L3MBTL3: variants seen among roughly 807,000 people sequenced by gnomAD.
The protein encoded by L3MBTL3 is lethal(3)malignant brain tumor-like protein 3.
A neutral mutation model predicts 102.3 loss-of-function variants in L3MBTL3; 27 were observed. The observed-to-expected ratio is 0.26, with a 90% CI of 0.19 to 0.36. The LOEUF (loss-of-function observed/expected upper bound fraction) is 0.36. Among genes scored for constraint, L3MBTL3 ranks in the 10% least tolerant of loss-of-function variants. The pLI, the probability that L3MBTL3 is intolerant of heterozygous loss-of-function variation, is 1.00. For synonymous variants in L3MBTL3, 340 were observed against 320.9 expected (o/e 1.06, Z -0.64); for missense variants, 798 against 955.3 (o/e 0.84, Z 2.17).
chr6:130,104,057 C>T (rs546926367), intron 18 of L3MBTL3, among the ~76,000 whole-genome samples: 2 of 152,240 alleles, frequency 1.3e-5, no homozygotes, highest in South Asian at 4.2e-4. Context: ...CAAATCTGCT[C>T]CATTAACCAA....
intron 18 of L3MBTL3, among the ~76,000 whole-genome samples, chr6:130,099,881 A>G (rs1784579297): frequency 1.3e-5 from 2 of 152,222 alleles, no homozygotes; most frequent in South Asian, 4.1e-4. Flanking sequence ...TAATTTTGGA[A>G]CAGTGCCTGA....
chr6:130,122,418 G>C (rs1193156200), intron 20 of L3MBTL3, among the ~76,000 whole-genome samples: 2 of 152,182 alleles, frequency 1.3e-5, no homozygotes, highest in Admixed American at 1.3e-4. Context: ...TCTCTGCTCT[G>C]CCACCTGCTG....
intron 3 of L3MBTL3, among the ~76,000 whole-genome samples, chr6:130,043,541 A>C (rs1488611526): frequency 6.6e-6 from 1 of 152,128 alleles, no homozygotes. Flanking sequence ...TTTTGCTCTG[A>C]TCCTATCTCT....
intron 10 of L3MBTL3, among the ~76,000 whole-genome samples, chr6:130,064,463 A>T (rs1050315281): frequency 3.9e-5 from 6 of 152,098 alleles, no homozygotes; most frequent in African/African-American, 1.4e-4. Flanking sequence ...TGAAGTAGAG[A>T]GGAAGGGAGT....
rs1458834889 is a variant in L3MBTL3, at chr6:130,067,701, C to G, written c.1001-629C>G. 2.0e-5 allele frequency among the ~76,000 whole-genome samples: 3 copies of G among 152,202 alleles called. No individual in the cohort carries two copies. The East Asian group carries it at 5.8e-4, about 29-fold the overall frequency. On this transcript the variant is annotated intron_variant, in intron 11 of 22. Transcript: ENST00000361794. ...ATTATTAGCTGGTTTTTTCATGCTG[C>G]TTTCTGGACTTTAATGAATGTAAAA... is the stretch of plus-strand genomic sequence containing the variant.
chr6:130,057,425 G>GAA lies in L3MBTL3; in HGVS notation c.689_690dup (p.Ala231LysfsTer39). ...TTTCAGGTTTGCCTCCTAAAGGAAAGAAAGCGTGGTGCTGGGCATCCTACC... is the reference window on the plus strand; with the variant it reads ...TTTCAGGTTTGCCTCCTAAAGGAAAGAAAAAGCGTGGTGCTGGGCATCCTACC... On this transcript the variant is annotated frameshift_variant, in exon 9 of 23. Transcript: ENST00000361794. LOFTEE classifies it high-confidence loss of function. The GAA allele has an allele frequency of 6.2e-7, 1 of 1,610,086 alleles. No individual in the cohort carries two copies. The highest frequency in any genetic ancestry group is 8.5e-7 in the Non-Finnish European group (1 of 1,178,758).
At chr6:130,131,819 G>A (rs1219406774) in intron 20 of L3MBTL3, among the ~76,000 whole-genome samples, 4 of 152,160 alleles carry the variant, frequency 2.6e-5, no homozygotes, top group African/African-American at 9.6e-5. Context: ...CAGTGAGGAC[G>A]ACCAGAGGTC....
intron 8 of L3MBTL3, among the ~76,000 whole-genome samples, chr6:130,057,162 C>A (rs553740263): frequency 6.6e-6 from 1 of 152,198 alleles, no homozygotes; most frequent in South Asian, 2.1e-4. Context: ...TTCCTGCTGT[C>A]TTCTTCCTTT....
At chr6:130,051,574 C>T (rs1175915817) in intron 6 of L3MBTL3, among the ~76,000 whole-genome samples, 166 bp downstream of exon 6, 2 of 152,168 alleles carry the variant, frequency 1.3e-5, no homozygotes, top group Non-Finnish European at 2.9e-5. Context: ...TATATGGGAC[C>T]TGGTGACGTC....
chr6:130,096,994 A>G (rs1582557322), intron 18 of L3MBTL3, among the ~76,000 whole-genome samples: 1 of 152,124 alleles, frequency 6.6e-6, no homozygotes, highest in South Asian at 2.1e-4. Context: ...TTGTTGGTTG[A>G]CTCGAGCCCC....
In L3MBTL3 at chr6:130,108,219, GGTTTTTTTTTT is replaced by G. The variant is rs1377642305; in HGVS notation, c.1886+3656_1886+3666del. On this transcript the variant is annotated intron_variant, in intron 19 of 22. Coordinates refer to ENST00000361794, the MANE Select transcript of L3MBTL3 (RefSeq NM_032438.4). Reference sequence around the variant, plus strand: ...CATAAGCCCTCAATAAATGTTAGGTGGTTTTTTTTTTGTTTTTTTTTTTTTTTTTTTTTTAG... The same window carrying G: ...CATAAGCCCTCAATAAATGTTAGGTGGTTTTTTTTTTTTTTTTTTTTTTAG... Among the ~76,000 whole-genome samples the G allele has an allele frequency of 4.8e-5, 5 of 104,214 alleles. 1 individual carries two copies. The highest frequency in any genetic ancestry group is 1.0e-4 in the Admixed American group (1 of 9,770). 68.4% of individuals were successfully genotyped at this position (104,214 alleles called of 152,430 possible).
rs73602370 is a variant in L3MBTL3, at chr6:130,133,222, A to G, written c.1967-230A>G. ...ACAACGTTGAACAACATAATGAAGC[A>G]TGTCTTTAGTAATGAGTGCTGTAGC... is the stretch of plus-strand genomic sequence containing the variant. On this transcript the variant is annotated intron_variant, in intron 20 of 22. Transcript: ENST00000361794. This position sits in a 1 kb window ranked among gnomAD's most constrained non-coding sequence, Gnocchi z 4.9. 0.13 allele frequency among the ~76,000 whole-genome samples: 19,758 copies of G among 152,286 alleles called. 2,175 individuals carry two copies. Among genetic ancestry groups the G allele is most frequent in the African/African-American group, 0.29 (11,980 of 41,540 alleles).
intron 20 of L3MBTL3, among the ~76,000 whole-genome samples, chr6:130,129,257 T>TA (rs1168758092): frequency 1.3e-5 from 2 of 152,204 alleles, no homozygotes; most frequent in Non-Finnish European, 2.9e-5. Context: ...CATACATATG[T>TA]ATAGGCCTCA....
chr6:130,086,338 C>A, intron 16 of L3MBTL3, 88 bp downstream of exon 16: 1 of 809,852 alleles, frequency 1.2e-6, no homozygotes, highest in Admixed American at 2.5e-5. Context: ...CTTGTGAAGT[C>A]CTGTAATTAG....
chr6:130,060,158 CT>C lies in L3MBTL3; in HGVS notation c.864+21del. 7.0e-7 allele frequency: 1 copy of C among 1,431,020 alleles called. No homozygotes were observed. The highest frequency in any genetic ancestry group is 9.6e-7 in the Non-Finnish European group (1 of 1,043,852). The allele number at this position is 1,431,020 out of a possible 1,614,324, so 88.6% of individuals were successfully genotyped here. A position where few individuals can be genotyped will look rare whatever the true frequency, so the allele number is the denominator to read the frequency against. ...TCGCGGAGGTAAGCTTTGCCTCGTC[CT>C]TTATTTTTAAAATAAAATGGTGATT... On this transcript the variant is annotated intron_variant, in intron 10 of 22. Transcript: ENST00000361794.
chr6:130,135,202 A>G (rs1463713260), intron 22 of L3MBTL3, among the ~76,000 whole-genome samples: 1 of 151,310 alleles, frequency 6.6e-6, no homozygotes. Flanking sequence ...CTGGGATTAC[A>G]GGTGCCCGCC....
At chr6:130,090,771 A>G (rs973338977) in intron 16 of L3MBTL3, among the ~76,000 whole-genome samples, 2 of 151,570 alleles carry the variant, frequency 1.3e-5, no homozygotes, top group Non-Finnish European at 2.9e-5. Flanking sequence ...TTTTTTTTGT[A>G]GAGATGGGGT....
At chr6:130,026,334 T>G (rs1779345592) in intron 2 of L3MBTL3, among the ~76,000 whole-genome samples, 1 of 152,174 alleles carries the variant, frequency 6.6e-6, no homozygotes, top group African/African-American at 2.4e-5. Flanking sequence ...AAACTGGTGC[T>G]CAGAGTTACT....
chr6:130,059,862 A>AT, intron 9 of L3MBTL3, among the ~76,000 whole-genome samples, 174 bp from the exon 10 acceptor site: 1 of 152,250 alleles, frequency 6.6e-6, no homozygotes, highest in South Asian at 2.1e-4. Context: ...CCTGGGACCT[A>AT]TTTGTAGCCT....
Sources: allele counts gnomAD v4.1 joint callset (sites outside exome capture counted in the v4.1 genomes callset), GRCh38; gene constraint gnomAD v4.1.1; non-coding constraint Gnocchi (gnomAD v3.1); transcripts MANE v1.5; gene names NCBI Gene and HGNC (gene_info 2026-07-23, HGNC 2026-07-21).